The following SUPT20H variants were observed in gnomAD, a reference collection of about 807,000 sequenced individuals.
SUPT20H encodes the protein transcription factor SPT20 homolog.
SUPT20H carries 82 observed loss-of-function variants against 122.8 expected under a neutral mutation model. That is an observed-to-expected ratio of 0.67 (90% CI 0.56 to 0.80). The LOEUF (loss-of-function observed/expected upper bound fraction) is 0.80. Ranked by LOEUF, SUPT20H falls within the 30% of genes least tolerant of loss-of-function variation. SUPT20H has a pLI of 0.00. For synonymous variants in SUPT20H, 291 were observed against 313.0 expected (o/e 0.93, Z 0.74); for missense variants, 831 against 921.6 (o/e 0.90, Z 1.27).
At chr13:37,010,710 G>T in intron 24 of SUPT20H, 55 bp from the exon 25 acceptor site, 1 of 1,236,320 alleles carries the variant, frequency 8.1e-7, no homozygotes, top group Non-Finnish European at 1.2e-6. Context: ...AGGCTACCAG[G>T]GTTAGAAAAG....
chr13:37,056,711 C>T (rs547670147), intron 1 of SUPT20H, among the ~76,000 whole-genome samples: 5 of 150,902 alleles, frequency 3.3e-5, no homozygotes, highest in Non-Finnish European at 7.4e-5. Context: ...CACATGTATA[C>T]ATATGTAACA....
chr13:37,021,713 ATC>A, intron 20 of SUPT20H, 111 bp from the exon 21 acceptor site: 1 of 1,220,594 alleles, frequency 8.2e-7, no homozygotes. Flanking sequence ...CTAGTTATTT[ATC>A]TGTCTTAAAT....
chr13:37,033,979 T>C (rs2063880396), intron 9 of SUPT20H, among the ~76,000 whole-genome samples: 1 of 152,226 alleles, frequency 6.6e-6, no homozygotes, highest in Admixed American at 6.5e-5. Context: ...AAATCTATTA[T>C]GGTGATCTGT....
At chr13:37,039,540 G>A (rs762537722) in intron 9 of SUPT20H, 2 of 152,036 alleles carry the variant, frequency 1.3e-5, no homozygotes, top group Admixed American at 1.3e-4. Context: ...CCAAAGCTTC[G>A]GCAGAAAAAT....
intron 9 of SUPT20H, among the ~76,000 whole-genome samples, chr13:37,037,182 C>G (rs1251630572): frequency 1.6e-5 from 2 of 125,398 alleles, no homozygotes; most frequent in Non-Finnish European, 3.3e-5. Context: ...GAGTTGCAAC[C>G]TGACTCTGCC....
chr13:37,039,082 G>A (rs1390914484), intron 9 of SUPT20H: 1 of 152,148 alleles, frequency 6.6e-6, no homozygotes, highest in African/African-American at 2.4e-5. Context: ...ATCAATTTAC[G>A]AGGAAAAAAA....
intron 6 of SUPT20H, 81 bp from the exon 7 acceptor site, chr13:37,044,262 C>A: frequency 9.0e-7 from 1 of 1,114,364 alleles, no homozygotes; most frequent in Non-Finnish European, 1.3e-6. Flanking sequence ...TTTCAAAGAA[C>A]TATATATAAT....
chr13:37,034,951 T>A lies in SUPT20H; in HGVS notation c.568-1363A>T, dbSNP rs548790422. 3.3e-5 allele frequency among the ~76,000 whole-genome samples: 5 copies of A among 152,306 alleles called. No homozygotes were observed. The East Asian group carries it at 9.6e-4, about 29-fold the overall frequency. On this transcript the variant is annotated intron_variant, in intron 9 of 25. Coordinates refer to ENST00000350612, the MANE Select transcript of SUPT20H (RefSeq NM_001014286.3). ...GACAGCACATCTGTTTACTGCATGT[T>A]TTACTGAATATTTTAAGGCCACTGT...
chr13:37,009,899 A>G (rs752786163), intron 25 of SUPT20H, 90 bp from the exon 26 acceptor site: 5 of 1,502,098 alleles, frequency 3.3e-6, no homozygotes, highest in East Asian at 4.5e-5. Flanking sequence ...AACACAACTG[A>G]AAAAGGGAGA....
chr13:37,009,829 A>C lies in SUPT20H; in HGVS notation c.2203-20T>G, dbSNP rs1490331109. 1 of 1,602,846 alleles carries C rather than the reference A, an allele frequency of 6.2e-7. No homozygotes were observed. The highest frequency in any genetic ancestry group is 8.5e-7 in the Non-Finnish European group (1 of 1,176,476). On this transcript the variant is annotated intron_variant, in intron 25 of 25. Transcript: ENST00000350612. ...CAACTGCTGCAAAAGGGAGGGAAAA[A>C]AATCGAGTTATGTTAAATGCAGGCA... is the stretch of plus-strand genomic sequence containing the variant.
At chr13:37,056,420 G>C (rs945102064) in intron 1 of SUPT20H, among the ~76,000 whole-genome samples, 1 of 152,154 alleles carries the variant, frequency 6.6e-6, no homozygotes, top group African/African-American at 2.4e-5. Context: ...ATACACCATG[G>C]AATACTATGC....
chr13:37,024,139 G>A lies in SUPT20H; in HGVS notation c.1487C>T (p.Pro496Leu). The part of the protein sequence containing the change: ...TSSFLKSPTP[P>L]PSSKPSSIPR... ...AATACTTGATGGCTTAGAAGAAGGA[G>A]GAGGAGTTGGAGATTTGAGAAAGCT... is the stretch of plus-strand genomic sequence containing the variant. Residue 496 changes from proline to leucine, a missense_variant, in exon 19 of 26, where the codon CCT becomes CTT. Pro to Leu is a moderately conservative substitution (Grantham distance 98). Coordinates refer to ENST00000350612, the MANE Select transcript of SUPT20H (RefSeq NM_001014286.3). The A allele has an allele frequency of 6.2e-7, 1 of 1,613,748 alleles. No individual in the cohort carries two copies. The highest frequency in any genetic ancestry group is 8.5e-7 in the Non-Finnish European group (1 of 1,179,772).
At chr13:37,024,490 T>TA in intron 17 of SUPT20H, 48 bp from the exon 18 acceptor site, 1 of 1,210,934 alleles carries the variant, frequency 8.3e-7, no homozygotes, top group Non-Finnish European at 1.1e-6. Context: ...AATACTGCTA[T>TA]AAACCCCAGA....
intron 23 of SUPT20H, among the ~76,000 whole-genome samples, chr13:37,017,008 G>C (rs891722157): frequency 5.3e-5 from 8 of 152,170 alleles, no homozygotes; most frequent in African/African-American, 1.9e-4. Context: ...GTATGGCTAA[G>C]AGCAAGCCAT....
chr13:37,030,766 G>A (rs1350566978), intron 12 of SUPT20H, among the ~76,000 whole-genome samples: 2 of 152,132 alleles, frequency 1.3e-5, no homozygotes, highest in Non-Finnish European at 2.9e-5. Context: ...TATTTACACT[G>A]AAATTCTATT....
At chr13:37,010,705 AC>A in intron 24 of SUPT20H, 50 bp from the exon 25 acceptor site, 1 of 1,352,034 alleles carries the variant, frequency 7.4e-7, no homozygotes, top group Non-Finnish European at 1.1e-6. Flanking sequence ...TTTGAAGGCT[AC>A]CAGGGTTAGA....
intron 9 of SUPT20H, 81 bp from the exon 10 acceptor site, chr13:37,033,669 T>C (rs2063811390): frequency 2.1e-6 from 3 of 1,445,386 alleles, no homozygotes; most frequent in Non-Finnish European, 1.9e-6. Context: ...AATCTAGAAA[T>C]ATTCCCTGGA....
intron 12 of SUPT20H, among the ~76,000 whole-genome samples, chr13:37,031,164 T>C (rs1244862923): frequency 3.3e-5 from 5 of 152,118 alleles, no homozygotes; most frequent in African/African-American, 1.2e-4. Flanking sequence ...TTATGTCAAA[T>C]AATATTATTA....
At position 37,048,609 on chromosome 13, in the gene SUPT20H, G is replaced by C; in HGVS notation, c.4-10C>G. The C allele has an allele frequency of 6.3e-7, 1 of 1,596,264 alleles. No homozygotes were observed. Among genetic ancestry groups the C allele is most frequent in the Non-Finnish European group, 8.5e-7 (1 of 1,172,550 alleles). The stretch of plus-strand genomic sequence containing the variant: ...GTTCTAAAGCTTGTTGCTGTAAAAA[G>C]TAAATAGTATATTTGGTAATATTAG... On this transcript the variant is annotated splice_polypyrimidine_tract_variant and intron_variant, in intron 2 of 25. Coordinates refer to ENST00000350612, the MANE Select transcript of SUPT20H (RefSeq NM_001014286.3).
Sources: allele counts gnomAD v4.1 joint callset (sites outside exome capture counted in the v4.1 genomes callset), GRCh38; gene constraint gnomAD v4.1.1; transcripts MANE v1.5; gene names NCBI Gene and HGNC (gene_info 2026-07-23, HGNC 2026-07-21).